The following NFATC2 variants were observed in gnomAD, a reference collection of about 807,000 sequenced individuals.
The protein encoded by NFATC2 is nuclear factor of activated T cells 2.
A neutral mutation model predicts 87.3 loss-of-function variants in NFATC2; 22 were observed. The ratio of observed to expected loss-of-function variants is 0.25; its 90% CI spans 0.18 to 0.36. NFATC2 has a LOEUF of 0.36. Among genes scored for constraint, NFATC2 ranks in the 10% least tolerant of loss-of-function variants. The pLI, the probability that NFATC2 is intolerant of heterozygous loss-of-function variation, is 1.00. For synonymous variants in NFATC2, 565 were observed against 542.2 expected, an observed-to-expected ratio of 1.04 and a Z score of -0.58; for missense variants, 1,149 against 1,259.1, an observed-to-expected ratio of 0.91 and a Z score of 1.32.
At chr20:51,506,663 C>A (rs1279586265) in intron 3 of NFATC2, among the ~76,000 whole-genome samples, 1 of 152,148 alleles carries the variant, frequency 6.6e-6, no homozygotes, top group Non-Finnish European at 1.5e-5. Flanking sequence ...CACAGGGTAC[C>A]AGAAGGGCAG....
intron 3 of NFATC2, among the ~76,000 whole-genome samples, chr20:51,482,467 T>C (rs1989345108): frequency 6.6e-6 from 1 of 152,212 alleles, no homozygotes; most frequent in Non-Finnish European, 1.5e-5. Flanking sequence ...AAGTAAGCAT[T>C]TGAGTGTACA....
intron 9 of NFATC2, among the ~76,000 whole-genome samples, chr20:51,418,922 C>G (rs963906748): frequency 6.6e-6 from 1 of 151,214 alleles, no homozygotes; most frequent in Non-Finnish European, 1.5e-5. Context: ...CCTCGGCTTC[C>G]CAAAGTGCTG....
In NFATC2 at chr20:51,455,207, G is replaced by A. The variant is rs143154208; in HGVS notation, c.1709-519C>T. ...TTCATTTATGATCTTTAACATAGTC[G>A]TTAAGACATCCATGATCTACCCATG... On this transcript the variant is annotated intron_variant, in intron 5 of 10. Coordinates refer to ENST00000371564, the MANE Select transcript of NFATC2 (RefSeq NM_012340.5). Among the ~76,000 whole-genome samples, 443 of 152,206 alleles carry A rather than the reference G, an allele frequency of 2.9e-3. 1 individual carries two copies. The highest frequency in any genetic ancestry group is 9.8e-3 in the African/African-American group (405 of 41,538).
At position 51,390,930 on chromosome 20, in the gene NFATC2, G is replaced by A. The variant is rs900147696; in HGVS notation, c.*566C>T. 4.5e-5 allele frequency: 10 copies of A among 221,432 alleles called. No homozygotes were observed. Among genetic ancestry groups the A allele is most frequent in the Admixed American group, 1.0e-4 (2 of 19,712 alleles). 13.7% of individuals were successfully genotyped at this position (221,432 alleles called of 1,614,324 possible). On this transcript the variant is annotated 3_prime_UTR_variant, in exon 11 of 11. Transcript: ENST00000371564. ...CCTGTAAGCTGGGCTCTTGGGTCAC[G>A]TTCCTTTGGTTGCTCTGAGAACTCC...
At chr20:51,435,451 T>TCCCC in intron 7 of NFATC2, 137 bp from the exon 8 acceptor site, 1 of 1,304,160 alleles carries the variant, frequency 7.7e-7, no homozygotes, top group Non-Finnish European at 1.1e-6. Flanking sequence ...GAAGTTCAAT[T>TCCCC]TCAGGGGAAT....
At chr20:51,487,682 C>T (rs1022760518) in intron 3 of NFATC2, among the ~76,000 whole-genome samples, 9 of 152,018 alleles carry the variant, frequency 5.9e-5, no homozygotes, top group Admixed American at 1.3e-4. Flanking sequence ...GACAGCCGGC[C>T]GAGCCAGCCA....
At chr20:51,504,999 CTTTTTTTTTTTTTT>C (rs34489487) in intron 3 of NFATC2, among the ~76,000 whole-genome samples, 10 of 72,504 alleles carry the variant, frequency 1.4e-4, no homozygotes, top group East Asian at 1.1e-3. Flanking sequence ...TATCTAGTTC[CTTTTTTTTTTTTTT>C]TTTTTTTTTT....
chr20:51,485,499 A>G (rs926091276), intron 3 of NFATC2, among the ~76,000 whole-genome samples: 1 of 151,430 alleles, frequency 6.6e-6, no homozygotes, highest in Non-Finnish European at 1.5e-5. Flanking sequence ...GCCTTCTTTG[A>G]GTTGACCTTT....
Position 51,412,892 on chromosome 20 carries a change from GAAC to G in NFATC2, c.2723-14165_2723-14163del, listed in dbSNP as rs769478904. 4.6e-5 allele frequency among the ~76,000 whole-genome samples: 7 copies of G among 151,994 alleles called. 1 individual carries two copies. The highest frequency in any genetic ancestry group is 4.4e-5 in the Non-Finnish European group (3 of 67,962). ...AAACAAGCTGGTGCCAAGCACAACA[GAAC>G]AACAAGGAGCACAGGAGAAGGAGAA... On this transcript the variant is annotated intron_variant, in intron 9 of 10. Transcript: ENST00000371564.
chr20:51,432,168 G>A lies in NFATC2; in HGVS notation c.2621C>T (p.Ala874Val). The A allele has an allele frequency of 1.2e-6, 2 of 1,604,462 alleles. No individual in the cohort carries two copies. Among genetic ancestry groups the A allele is most frequent in the South Asian group, 1.1e-5 (1 of 90,364 alleles). Residue 874 changes from alanine to valine, a missense_variant, in exon 9 of 11, where the codon GCC becomes GTC. This residue lies in a region of NFATC2 where 581 missense variants were observed against 649.7 expected (regional missense o/e 0.89). Coordinates refer to ENST00000371564, the MANE Select transcript of NFATC2 (RefSeq NM_012340.5). This position sits in a 1 kb window ranked among gnomAD's most constrained non-coding sequence, Gnocchi z 4.6. ...IQQQNATSQR[A>V]AKNGPPVSDQ... ...ACTGACCGGGGGTCCGTTTTTGGCG[G>A]CTCTTTGGCTCGTGGCATTCTGCTG...
At chr20:51,412,834 G>A (rs1304749095) in intron 9 of NFATC2, among the ~76,000 whole-genome samples, 1 of 152,082 alleles carries the variant, frequency 6.6e-6, no homozygotes, top group African/African-American at 2.4e-5. Flanking sequence ...CAATCTCATG[G>A]GTCTCCCTGC....
chr20:51,440,400 A>G (rs1311328441), intron 6 of NFATC2, among the ~76,000 whole-genome samples: 1 of 152,200 alleles, frequency 6.6e-6, no homozygotes, highest in African/African-American at 2.4e-5. Flanking sequence ...AGAAAATAAT[A>G]AACATTTTCC....
At chr20:51,505,749 T>C (rs2076168281) in intron 3 of NFATC2, among the ~76,000 whole-genome samples, 1 of 152,142 alleles carries the variant, frequency 6.6e-6, no homozygotes. Flanking sequence ...TGGGTGTCGT[T>C]GTCGTGGCAT....
intron 1 of NFATC2, among the ~76,000 whole-genome samples, chr20:51,551,016 G>A (rs185615842): frequency 1.1e-4 from 17 of 152,276 alleles, no homozygotes; most frequent in African/African-American, 3.6e-4. Flanking sequence ...GCATTGAAAC[G>A]TTTTAAGTTG....
intron 9 of NFATC2, among the ~76,000 whole-genome samples, chr20:51,408,837 C>T (rs1345706822): frequency 2.0e-5 from 3 of 152,110 alleles, no homozygotes; most frequent in South Asian, 2.1e-4. Flanking sequence ...AGTTGGAAAG[C>T]TTGTAAAAGC....
chr20:51,493,843 G>A (rs2075941627), intron 3 of NFATC2, among the ~76,000 whole-genome samples: 1 of 152,136 alleles, frequency 6.6e-6, no homozygotes, highest in African/African-American at 2.4e-5. Flanking sequence ...AGCCAGCCCG[G>A]AACGTGACAC....
intron 3 of NFATC2, among the ~76,000 whole-genome samples, chr20:51,516,381 T>C (rs2076351743): frequency 6.6e-6 from 1 of 152,236 alleles, no homozygotes; most frequent in African/African-American, 2.4e-5. Flanking sequence ...TGATAATGTA[T>C]AGTTTTAATT....
intron 5 of NFATC2, among the ~76,000 whole-genome samples, chr20:51,466,534 T>C (rs1273053365): frequency 6.6e-6 from 1 of 151,566 alleles, no homozygotes; most frequent in Non-Finnish European, 1.5e-5. Flanking sequence ...ATAGCTGAAT[T>C]TCCACAGGGA....
chr20:51,546,742 G>T (rs1306242515), upstream of NFATC2, among the ~76,000 whole-genome samples: 2 of 152,220 alleles, frequency 1.3e-5, no homozygotes, highest in Non-Finnish European at 2.9e-5. Context: ...GCCGTGAAAG[G>T]CAAGGAGAAT....
Sources: gnomAD v4.1 joint callset for allele counts (sites outside exome capture counted in the v4.1 genomes callset) on GRCh38, gnomAD v4.1.1 for gene constraint, gnomAD v4.1.1 regional missense constraint, Gnocchi (gnomAD v3.1) non-coding constraint, MANE v1.5 for transcripts, NCBI Gene and HGNC (gene_info 2026-07-23, HGNC 2026-07-21) for gene names.